The following BTF3L4 variants were observed in gnomAD, a reference collection of about 807,000 sequenced individuals.
BTF3L4 encodes basic transcription factor 3 like 4.
Under a neutral mutation model 16.8 loss-of-function variants are expected in BTF3L4, and 6 were observed. The ratio of observed to expected loss-of-function variants is 0.36; its 90% confidence interval spans 0.20 to 0.71. The LOEUF is 0.71. Among genes scored for constraint, BTF3L4 ranks in the 30% least tolerant of loss-of-function variants. The pLI, the probability that BTF3L4 is intolerant of heterozygous loss-of-function variation, is 0.58. For synonymous variants in BTF3L4, 39 were observed against 59.8 expected, an observed-to-expected ratio of 0.65 and a Z score of 1.60; for missense variants, 92 against 186.9, an observed-to-expected ratio of 0.49 and a Z score of 2.96.
Position 52,064,909 on chromosome 1 carries a change from G to T in BTF3L4, c.139G>T (p.Ala47Ser). 28 of 1,612,652 alleles carry T rather than the reference G, an allele frequency of 1.7e-5. No individual in the cohort carries two copies. Among genetic ancestry groups the T allele is most frequent in the Non-Finnish European group, 2.4e-5 (28 of 1,179,244 alleles). Residue 47 changes from alanine (A) to serine (S), a missense_variant, in exon 3 of 6, where the codon GCT (alanine) becomes TCT (serine). Coordinates refer to ENST00000313334, the MANE Select transcript of BTF3L4 (RefSeq NM_152265.5). ...GCTTCAGAGTTCTCTAAAAAAACTG[G>T]CTGTGAATAATATAGCTGGTATTGA... ...KKLQSSLKKL[A>S]VNNIAGIEEV... is the part of the protein sequence containing the mutation.
intron 2 of BTF3L4, chr1:52,060,679 T>C: frequency 1.0e-6 from 1 of 982,404 alleles, no homozygotes; most frequent in African/African-American, 1.7e-5. Context: ...ACACTACTTT[T>C]TGTAGTGGGT....
chr1:52,073,466 ATATATATG>A (rs1686845326), intron 3 of BTF3L4, among the ~76,000 whole-genome samples: 1 of 145,936 alleles, frequency 6.9e-6, no homozygotes, highest in Admixed American at 7.2e-5. Flanking sequence ...TATATGCACT[ATATATATG>A]CACTATATAT....
chr1:52,078,066 T>C lies in BTF3L4; in HGVS notation c.169-5274T>C, dbSNP rs930225070. ...TTGGGGAGTTGGTCTGACAATATCCTTTTTTTTCCTTTTTTAAGACAGGGT... is the reference window on the plus strand; with the variant it reads ...TTGGGGAGTTGGTCTGACAATATCCCTTTTTTTCCTTTTTTAAGACAGGGT... On this transcript the variant is annotated intron_variant, in intron 3 of 5. Coordinates refer to ENST00000313334, the MANE Select transcript of BTF3L4 (RefSeq NM_152265.5). Among the ~76,000 whole-genome samples the C allele has an allele frequency of 5.9e-5, 9 of 151,746 alleles. No individual in the cohort carries two copies. The South Asian group carries it at 1.0e-3, about 18-fold the overall frequency.
At chr1:52,061,505 A>T (rs913436645) in intron 2 of BTF3L4, among the ~76,000 whole-genome samples, 3 of 151,742 alleles carry the variant, frequency 2.0e-5, no homozygotes, top group African/African-American at 7.3e-5. Flanking sequence ...AAAAAAAAAA[A>T]AGAAATAGGT....
At chr1:52,079,877 T>C (rs1643900449) in intron 3 of BTF3L4, among the ~76,000 whole-genome samples, 2 of 148,334 alleles carry the variant, frequency 1.3e-5, no homozygotes, top group South Asian at 2.1e-4. Context: ...CTTTTCTTTT[T>C]TTTTTTTTTT....
chr1:52,077,813 G>C (rs897403273), intron 3 of BTF3L4, among the ~76,000 whole-genome samples: 2 of 152,176 alleles, frequency 1.3e-5, no homozygotes, highest in African/African-American at 4.8e-5. Flanking sequence ...GCCCAGCAAA[G>C]GTAGGGATTG....
chr1:52,083,319 T>G, intron 3 of BTF3L4, 21 bp from the exon 4 acceptor site: 1 of 1,600,728 alleles, frequency 6.2e-7, no homozygotes, highest in Non-Finnish European at 8.6e-7. Flanking sequence ...TGAAGTACAT[T>G]TTTCTTCTGT....
At chr1:52,068,132 G>A (rs766352755) in intron 3 of BTF3L4, among the ~76,000 whole-genome samples, 1 of 152,138 alleles carries the variant, frequency 6.6e-6, no homozygotes, top group African/African-American at 2.4e-5. Context: ...TTTTAGTGTA[G>A]GGGCAGCATT....
rs756934677 is a variant in BTF3L4 at position 52,083,289 on chromosome 1, G to A, written c.169-51G>A. On this transcript the variant is annotated intron_variant, in intron 3 of 5. Coordinates refer to ENST00000313334, the MANE Select transcript of BTF3L4 (RefSeq NM_152265.5). The stretch of plus-strand genomic sequence containing the variant: ...CTGAATTGCTTTTTAAAAATATATT[G>A]TTTTAGTGTACCTAGCATGTGAAGT... 5.5e-6 allele frequency: 8 copies of A among 1,462,262 alleles called. No homozygotes were observed. In the African/African-American group the frequency reaches 1.1e-4, roughly 20 times the overall value. The allele number at this position is 1,462,262 out of a possible 1,614,324, so 90.6% of individuals were successfully genotyped here.
intron 2 of BTF3L4, among the ~76,000 whole-genome samples, chr1:52,062,937 C>CAG (rs5774116): frequency 0.96 from 146,062 of 152,196 alleles, 70,282 homozygotes; most frequent in Non-Finnish European, 1. Context: ...CAGCTCACAA[C>CAG]GGTTCGCCCT....
intron 4 of BTF3L4, among the ~76,000 whole-genome samples, chr1:52,085,379 TG>T (rs1643962269): frequency 3.3e-5 from 5 of 150,844 alleles, no homozygotes; most frequent in Middle Eastern, 6.8e-3. Context: ...TTTTTTGTTT[TG>T]TTTTTTTTTT....
chr1:52,080,570 G>C (rs577758361), intron 3 of BTF3L4, among the ~76,000 whole-genome samples: 2 of 107,916 alleles, frequency 1.9e-5, no homozygotes, highest in East Asian at 6.2e-4. Flanking sequence ...GTCTGACTCT[G>C]TTGCCCAGGC....
At chr1:52,073,035 GCA>G (rs1292530377) in intron 3 of BTF3L4, among the ~76,000 whole-genome samples, 5 of 152,148 alleles carry the variant, frequency 3.3e-5, no homozygotes, top group Non-Finnish European at 5.9e-5. Context: ...TCCAGCCTGA[GCA>G]ACAGAGCAAG....
intron 1 of BTF3L4, among the ~76,000 whole-genome samples, chr1:52,058,468 G>A (rs1005351851): frequency 1.3e-5 from 2 of 152,074 alleles, no homozygotes; most frequent in East Asian, 3.8e-4. Context: ...TTTTTTTCAT[G>A]TGAATGATGA....
At chr1:52,076,942 C>T (rs1296076917) in intron 3 of BTF3L4, among the ~76,000 whole-genome samples, 2 of 152,162 alleles carry the variant, frequency 1.3e-5, no homozygotes, top group Non-Finnish European at 2.9e-5. Context: ...GAAGCCAAGG[C>T]AGGAGGATCA....
intron 1 of BTF3L4, among the ~76,000 whole-genome samples, chr1:52,058,099 G>A (rs574229960): frequency 6.6e-6 from 1 of 152,154 alleles, no homozygotes; most frequent in South Asian, 2.1e-4. Context: ...ACATTCCTTT[G>A]AGAAAAGTGA....
intron 3 of BTF3L4, among the ~76,000 whole-genome samples, chr1:52,078,611 T>C (rs1297043399): frequency 6.6e-6 from 1 of 152,176 alleles, no homozygotes; most frequent in African/African-American, 2.4e-5. Context: ...CTTACCTCAA[T>C]CTTGGATAAA....
Position 52,088,775 on chromosome 1 carries a change from A to ATTCTG in BTF3L4, c.*2020_*2024dup, listed in dbSNP as rs1349759026. ...TTTATCATCAGTCAAATAAGATTTT[A>ATTCTG]TTCTGTTTTGTTTTGTTTGAGATGG... On this transcript the variant is annotated 3_prime_UTR_variant, in exon 6 of 6. Transcript: ENST00000313334. 6.6e-6 allele frequency: 1 copy of ATTCTG among 152,112 alleles called. No homozygotes were observed. Among genetic ancestry groups the ATTCTG allele is most frequent in the Non-Finnish European group, 1.5e-5 (1 of 68,018 alleles). 9.4% of individuals were successfully genotyped at this position (152,112 alleles called of 1,614,324 possible).
At chr1:52,063,500 C>T (rs1173004459) in intron 2 of BTF3L4, among the ~76,000 whole-genome samples, 2 of 152,088 alleles carry the variant, frequency 1.3e-5, no homozygotes, top group African/African-American at 4.8e-5. Context: ...CCTACCTTAC[C>T]TCTATAAGGC....
Sources: gnomAD v4.1 joint callset for allele counts (sites outside exome capture counted in the v4.1 genomes callset) on GRCh38, gnomAD v4.1.1 for gene constraint, MANE v1.5 for transcripts, NCBI Gene and HGNC (gene_info 2026-07-23, HGNC 2026-07-21) for gene names.